ADAT3: variants seen among roughly 807,000 people sequenced by gnomAD.
ADAT3 encodes tRNA-specific adenosine-34 deaminase regulatory subunit ADAT3.
A neutral mutation model predicts 3.5 loss-of-function variants in ADAT3; 2 were observed. The ratio of observed to expected loss-of-function variants is 0.57; its 90% confidence interval spans 0.23 to 1.79. The LOEUF is 1.79. Ranked by LOEUF, ADAT3 falls within the 40% of genes most tolerant of loss-of-function variation. The probability of loss-of-function intolerance (pLI) is 0.18; values close to 1 mark genes in which losing one functional copy is unlikely to be tolerated. For synonymous variants in ADAT3, 358 were observed against 270.3 expected (o/e 1.32, Z -3.18); for missense variants, 735 against 571.4 (o/e 1.29, Z -2.92).
intron 1 of ADAT3, among the ~76,000 whole-genome samples, chr19:1,910,118 C>T (rs1192971339): frequency 1.3e-5 from 2 of 152,220 alleles, no homozygotes; most frequent in African/African-American, 4.8e-5. Flanking sequence ...CACCCGCCAG[C>T]TCCCGGTTCT....
intron 1 of ADAT3, among the ~76,000 whole-genome samples, chr19:1,911,234 C>G (rs777738584): frequency 6.6e-6 from 1 of 151,578 alleles, no homozygotes; most frequent in African/African-American, 2.4e-5. Flanking sequence ...TACAGTGGCA[C>G]GATTGTAGCT....
rs1374531289 is a variant in ADAT3, at chr19:1,912,233, C to T, written c.186C>T (p.Tyr62=). The part of the protein sequence containing the change: ...QSGDVELVLA[Y]AAPVLDKRQT... ...GGGACGTGGAGCTGGTGCTGGCCTA[C>T]GCCGCGCCCGTCCTGGACAAGCGCC... The change falls in exon 2 of 2, where the codon TAC becomes TAT. Residue 62 remains tyrosine (Y), a synonymous_variant. Coordinates refer to ENST00000329478, the MANE Select transcript of ADAT3 (RefSeq NM_138422.4). 3 of 1,595,862 alleles carry T rather than the reference C, an allele frequency of 1.9e-6. No individual in the cohort carries two copies. The highest frequency in any genetic ancestry group is 1.3e-5 in the African/African-American group (1 of 74,490).
Position 1,912,467 on chromosome 19 carries a change from C to G in ADAT3, c.420C>G (p.Phe140Leu), listed in dbSNP as rs1282815481. The change falls in exon 2 of 2, where the codon TTC becomes TTG. Residue 140 changes from phenylalanine (F) to leucine (L), a missense_variant. Physicochemically the swap from Phe to Leu is conservative, Grantham distance 22 (BLOSUM62 0). Coordinates refer to ENST00000329478, the MANE Select transcript of ADAT3 (RefSeq NM_138422.4). ...ACCCCCGCGGCCTGGGGCAACCCTT[C>G]CTGGTGCCCGTGCCCGCCCGGCCGC... ...AVDPRGLGQP[F>L]LVPVPARPPL... The G allele has an allele frequency of 1.3e-6, 2 of 1,504,084 alleles. No homozygotes were observed. Among genetic ancestry groups the G allele is most frequent in the Non-Finnish European group, 1.8e-6 (2 of 1,133,630 alleles). 93.2% of individuals were successfully genotyped at this position (1,504,084 alleles called of 1,614,324 possible). A position where few individuals can be genotyped will look rare whatever the true frequency, so the allele number is the denominator to read the frequency against.
At chr19:1,905,964 C>T (rs1273827385) in intron 1 of ADAT3, 1 of 152,212 alleles carries the variant, frequency 6.6e-6, no homozygotes, top group Non-Finnish European at 1.5e-5. Context: ...GTATCACAGG[C>T]CCCCAGTTAT....
Position 1,912,866 on chromosome 19 carries a change from C to A in ADAT3, c.819C>A (p.Pro273=). The A allele has an allele frequency of 2.5e-6, 4 of 1,600,568 alleles. No homozygotes were observed. Among genetic ancestry groups the A allele is most frequent in the Middle Eastern group, 1.7e-4 (1 of 6,052 alleles). ...GCTCCTTCGCCCCGGCCGCTGCCCC[C>A]CAGGCCGTCCGCGCAGGCGCCGTGC... ...PACSFAPAAA[P]QAVRAGAVRK... Residue 273 remains proline (P), a synonymous_variant, in exon 2 of 2, where the codon CCC becomes CCA. Transcript: ENST00000329478.
rs1386124062 is a variant in ADAT3, at chr19:1,912,982, TG to T, written c.937del (p.Ala313ProfsTer?). 2.1e-5 allele frequency: 33 copies of T among 1,609,710 alleles called. No individual in the cohort carries two copies. The highest frequency in any genetic ancestry group is 2.8e-5 in the Non-Finnish European group (33 of 1,179,342). On this transcript the variant is annotated frameshift_variant, in exon 2 of 2. Coordinates refer to ENST00000329478, the MANE Select transcript of ADAT3 (RefSeq NM_138422.4). LOFTEE classifies it high-confidence loss of function. Reference protein sequence around the residue: ...VTREPCAMCAMALVHARILRV... With the variant: ...VTREPCAMCAXALVHARILRV... ...CGCGAGCCCTGCGCCATGTGCGCCA[TG>T]GCCCTGGTGCACGCACGCATCCTGC... is the stretch of plus-strand genomic sequence containing the variant.
intron 1 of ADAT3, among the ~76,000 whole-genome samples, chr19:1,907,355 C>T (rs1298844798): frequency 6.6e-6 from 1 of 150,966 alleles, no homozygotes; most frequent in Non-Finnish European, 1.5e-5. Context: ...CCCCTCCATC[C>T]CCCCATTTTC....
chr19:1,910,774 A>G (rs1376297247), intron 1 of ADAT3, among the ~76,000 whole-genome samples: 2 of 148,448 alleles, frequency 1.3e-5, no homozygotes, highest in Admixed American at 1.4e-4. Flanking sequence ...ATGGGGTTTC[A>G]CCATGTTGGT....
Position 1,908,277 on chromosome 19 carries a change from T to C in ADAT3, c.-159+2838T>C. 1 of 301,860 alleles carries C rather than the reference T, an allele frequency of 3.3e-6. No individual in the cohort carries two copies. Among genetic ancestry groups the C allele is most frequent in the Non-Finnish European group, 6.6e-6 (1 of 151,858 alleles). 18.7% of individuals were successfully genotyped at this position (301,860 alleles called of 1,614,324 possible). A position where few individuals can be genotyped will look rare whatever the true frequency, so the allele number is the denominator to read the frequency against. On this transcript the variant is annotated intron_variant, in intron 1 of 1. Transcript: ENST00000329478. The surrounding 1 kb of genome is among the most constrained non-coding windows in gnomAD (Gnocchi z 4.2). ...CTCCCGGCTCCCACTGCATCTCCGG[T>C]TCTGTGCTTTGTTGAACGCGTGAGC...
Position 1,912,406 on chromosome 19 carries a change from G to C in ADAT3, c.359G>C (p.Arg120Pro). ...CTGGCTGGGCCGGCCTCGGGCCCGC[G>C]CTCGCTGGCTGAGCTCCTGCCACGG... ...LCLAGPASGP[R>P]SLAELLPRPA... Residue 120 changes from arginine (R) to proline (P), a missense_variant, in exon 2 of 2, where the codon CGC becomes CCC. Physicochemically the swap from Arg to Pro is moderately radical, Grantham distance 103 (BLOSUM62 -2). Transcript: ENST00000329478. 6.6e-7 allele frequency: 1 copy of C among 1,514,518 alleles called. No homozygotes were observed. Among genetic ancestry groups the C allele is most frequent in the Non-Finnish European group, 8.8e-7 (1 of 1,138,642 alleles). 93.8% of individuals were successfully genotyped at this position (1,514,518 alleles called of 1,614,324 possible).
rs1307532635 is a variant in ADAT3, at chr19:1,908,390, GC to G, written c.-159+2955del. On this transcript the variant is annotated intron_variant, in intron 1 of 1. Coordinates refer to ENST00000329478, the MANE Select transcript of ADAT3 (RefSeq NM_138422.4). The surrounding 1 kb of genome is among the most constrained non-coding windows in gnomAD (Gnocchi z 4.2). ...GCTGCTGGTCCCCCATCTGTGGGGC[GC>G]CCCGGCGGCTGAGGCGTGGACCAGG... The G allele has an allele frequency of 9.7e-6, 4 of 412,888 alleles. No homozygotes were observed. The highest frequency in any genetic ancestry group is 2.0e-5 in the Non-Finnish European group (4 of 198,144). 25.6% of individuals were successfully genotyped at this position (412,888 alleles called of 1,614,324 possible).
intron 1 of ADAT3, among the ~76,000 whole-genome samples, chr19:1,907,748 G>A (rs1270927597): frequency 1.3e-5 from 2 of 152,164 alleles, no homozygotes; most frequent in East Asian, 3.9e-4. Context: ...CCTCCTGAGG[G>A]GTCCCAGTGG....
chr19:1,906,692 TA>T (rs928113130), intron 1 of ADAT3: 6 of 150,442 alleles, frequency 4.0e-5, no homozygotes, highest in Non-Finnish European at 8.9e-5. Context: ...CTACTAAAAA[TA>T]AAAAAAAGCC....
intron 1 of ADAT3, among the ~76,000 whole-genome samples, chr19:1,910,283 G>C (rs12971714): frequency 0.069 from 10,488 of 152,292 alleles, 482 homozygotes; most frequent in East Asian, 0.12. Flanking sequence ...GAATTCAGCA[G>C]CTTGCGGCCG....
rs2013591983 is a variant in ADAT3, at chr19:1,913,188, G to T, written c.*37G>T. ...CTGCCTCCGGACCCTTCCCGCTCCC[G>T]GCCGTGGGGCGCCCCTCCTGGACTT... is the stretch of plus-strand genomic sequence containing the variant. On this transcript the variant is annotated 3_prime_UTR_variant, in exon 2 of 2. Coordinates refer to ENST00000329478, the MANE Select transcript of ADAT3 (RefSeq NM_138422.4). 6.1e-6 allele frequency: 9 copies of T among 1,470,994 alleles called. No homozygotes were observed. The highest frequency in any genetic ancestry group is 8.1e-6 in the Non-Finnish European group (9 of 1,111,802). The allele number at this position is 1,470,994 out of a possible 1,614,324, so 91.1% of individuals were successfully genotyped here.
chr19:1,907,387 G>A (rs1459284512), intron 1 of ADAT3, among the ~76,000 whole-genome samples: 5 of 125,398 alleles, frequency 4.0e-5, no homozygotes, highest in African/African-American at 1.9e-4. Context: ...TGACAGCCCT[G>A]CCTTAAAAAA....
At position 1,913,192 on chromosome 19, in the gene ADAT3, G is replaced by T. The variant is rs758122032; in HGVS notation, c.*41G>T. On this transcript the variant is annotated 3_prime_UTR_variant, in exon 2 of 2. Coordinates refer to ENST00000329478, the MANE Select transcript of ADAT3 (RefSeq NM_138422.4). The stretch of plus-strand genomic sequence containing the variant: ...CTCCGGACCCTTCCCGCTCCCGGCC[G>T]TGGGGCGCCCCTCCTGGACTTCCGG... 46 of 1,469,734 alleles carry T rather than the reference G, an allele frequency of 3.1e-5. No individual in the cohort carries two copies. The highest frequency in any genetic ancestry group is 4.0e-5 in the Non-Finnish European group (45 of 1,111,226). The allele number at this position is 1,469,734 out of a possible 1,614,324, so 91.0% of individuals were successfully genotyped here. A position where few individuals can be genotyped will look rare whatever the true frequency, so the allele number is the denominator to read the frequency against.
chr19:1,911,774 C>T lies in ADAT3; in HGVS notation c.-158-116C>T, dbSNP rs1443559515. On this transcript the variant is annotated intron_variant, in intron 1 of 1. Transcript: ENST00000329478. Reference sequence around the variant, plus strand: ...CTCCAGCCTGGGCGACAGCGAGACTCCGTCTCAGAAGTAAAAAAATAAAAT... The same window carrying T: ...CTCCAGCCTGGGCGACAGCGAGACTTCGTCTCAGAAGTAAAAAAATAAAAT... 3 of 335,484 alleles carry T rather than the reference C, an allele frequency of 8.9e-6. No individual in the cohort carries two copies. The East Asian group carries it at 1.4e-4, about 15-fold the overall frequency. The allele number at this position is 335,484 out of a possible 1,614,324, so 20.8% of individuals were successfully genotyped here.
Position 1,913,073 on chromosome 19 carries a change from G to A in ADAT3, c.1026G>A (p.Arg342=), listed in dbSNP as rs1410105304. 2 of 1,601,776 alleles carry A rather than the reference G, an allele frequency of 1.2e-6. No homozygotes were observed. Among genetic ancestry groups the A allele is most frequent in the Non-Finnish European group, 1.7e-6 (2 of 1,178,534 alleles). Residue 342 remains arginine (R), a synonymous_variant, in exon 2 of 2, where the codon CGG becomes CGA. Transcript: ENST00000329478. The part of the protein sequence containing the change: ...ALGTRFRIHA[R]PDLNHRFQVF... ...GCACCCGCTTCCGCATCCACGCACG[G>A]CCCGACCTCAACCACCGCTTCCAGG...
Sources: gnomAD v4.1 joint callset for allele counts (sites outside exome capture counted in the v4.1 genomes callset) on GRCh38, gnomAD v4.1.1 for gene constraint, Gnocchi (gnomAD v3.1) non-coding constraint, MANE v1.5 for transcripts, NCBI Gene and HGNC (gene_info 2026-07-23, HGNC 2026-07-21) for gene names.